Variants in PDE4B observed in about 807,000 individuals in gnomAD.
PDE4B encodes the protein phosphodiesterase 4B.
PDE4B carries 20 observed loss-of-function variants against 82.2 expected under a neutral mutation model. The observed-to-expected ratio is 0.24, with a 90% CI of 0.17 to 0.35. The LOEUF (loss-of-function observed/expected upper bound fraction) is 0.35, where lower values mean the gene tolerates loss of function less well. Among genes scored for constraint, PDE4B ranks in the 10% least tolerant of loss-of-function variants. The pLI is 1.00. For missense variants in PDE4B, 655 were observed against 907.2 expected (o/e 0.72, Z 3.57); for synonymous variants, 320 against 318.9 (o/e 1.00, Z -0.04).
chr1:65,948,705 A>G (rs1235008670), intron 3 of PDE4B, among the ~76,000 whole-genome samples: 1 of 152,068 alleles, frequency 6.6e-6, no homozygotes, highest in Non-Finnish European at 1.5e-5. Flanking sequence ...TAACTATCAC[A>G]GGCAATGATG....
chr1:65,911,770 T>C (rs1647094674), intron 1 of PDE4B, among the ~76,000 whole-genome samples: 1 of 152,166 alleles, frequency 6.6e-6, no homozygotes, highest in Non-Finnish European at 1.5e-5. Flanking sequence ...CCCATGGGGT[T>C]CTCTCCCTAG....
chr1:66,264,204 AT>A (rs1464842812), intron 6 of PDE4B, among the ~76,000 whole-genome samples: 1 of 152,216 alleles, frequency 6.6e-6, no homozygotes, highest in African/African-American at 2.4e-5. Context: ...GCAATGAGGA[AT>A]TATGAGAGAT....
At chr1:66,078,762 T>C (rs1377465640) in intron 3 of PDE4B, among the ~76,000 whole-genome samples, 7 of 152,302 alleles carry the variant, frequency 4.6e-5, no homozygotes, top group African/African-American at 1.7e-4. Flanking sequence ...TTTTCATTTT[T>C]TTCTGCATCA....
chr1:66,087,277 C>G (rs976096402), intron 3 of PDE4B, among the ~76,000 whole-genome samples: 1 of 152,178 alleles, frequency 6.6e-6, no homozygotes, highest in African/African-American at 2.4e-5. Flanking sequence ...ACAGTCCAGA[C>G]TAGTGGCAGG....
At chr1:66,344,364 T>A (rs1661233718) in intron 8 of PDE4B, among the ~76,000 whole-genome samples, 1 of 152,246 alleles carries the variant, frequency 6.6e-6, no homozygotes, top group South Asian at 2.1e-4. Context: ...TGTAAACATT[T>A]GCTAGTATTG....
At chr1:66,092,317 C>A (rs1002024877) in intron 3 of PDE4B, among the ~76,000 whole-genome samples, 1 of 151,958 alleles carries the variant, frequency 6.6e-6, no homozygotes, top group Non-Finnish European at 1.5e-5. Context: ...TTGATACAAG[C>A]AAGAGTTCAG....
chr1:66,364,259 A>G (rs1663052861), intron 12 of PDE4B, among the ~76,000 whole-genome samples: 2 of 152,194 alleles, frequency 1.3e-5, no homozygotes, highest in Non-Finnish European at 2.9e-5. Context: ...TCTCCTAAAA[A>G]ATTATAAAAC....
Position 66,289,127 on chromosome 1 carries a change from G to A in PDE4B, c.634+23040G>A, listed in dbSNP as rs148530869. 9.5e-4 allele frequency among the ~76,000 whole-genome samples: 144 copies of A among 152,148 alleles called. 1 individual carries two copies. The highest frequency in any genetic ancestry group is 3.9e-3 in the East Asian group (20 of 5,178). Reference sequence around the variant, plus strand: ...ATAAAAATAAAAATAAAATAGCCAGGGGCAGTGACACATGCCTGTGATCTC... The same window carrying A: ...ATAAAAATAAAAATAAAATAGCCAGAGGCAGTGACACATGCCTGTGATCTC... On this transcript the variant is annotated intron_variant, in intron 7 of 16. Coordinates refer to ENST00000341517, the MANE Select transcript of PDE4B (RefSeq NM_002600.4).
intron 1 of PDE4B, among the ~76,000 whole-genome samples, chr1:65,847,706 T>C (rs1235447436): frequency 1.3e-5 from 2 of 152,270 alleles, no homozygotes; most frequent in East Asian, 3.9e-4. Context: ...GTTGAACACA[T>C]AGAGAACTAA....
intron 2 of PDE4B, among the ~76,000 whole-genome samples, chr1:65,916,049 G>A (rs1647155661): frequency 6.6e-6 from 1 of 152,122 alleles, no homozygotes; most frequent in Non-Finnish European, 1.5e-5. Context: ...TAATTTTAGA[G>A]TAGTGGTGTA....
chr1:66,357,525 T>G (rs1662352247), intron 9 of PDE4B, among the ~76,000 whole-genome samples: 1 of 151,888 alleles, frequency 6.6e-6, no homozygotes, highest in Non-Finnish European at 1.5e-5. Context: ...TTTAGGCATA[T>G]CTCTTGAGCA....
chr1:66,088,769 C>G (rs1644952509), intron 3 of PDE4B, among the ~76,000 whole-genome samples: 1 of 152,096 alleles, frequency 6.6e-6, no homozygotes, highest in African/African-American at 2.4e-5. Context: ...TATCCCTCCT[C>G]TTCCCCCATC....
chr1:66,264,671 A>T (rs1175646347), intron 6 of PDE4B, among the ~76,000 whole-genome samples: 2 of 152,230 alleles, frequency 1.3e-5, no homozygotes. Flanking sequence ...GACTACGGCT[A>T]CTAGGTATGG....
intron 3 of PDE4B, among the ~76,000 whole-genome samples, chr1:66,189,994 A>G (rs974406674): frequency 6.6e-6 from 1 of 152,066 alleles, no homozygotes; most frequent in African/African-American, 2.4e-5. Flanking sequence ...GATGATGGTG[A>G]TGAAGAAATG....
intron 7 of PDE4B, among the ~76,000 whole-genome samples, chr1:66,271,009 A>G (rs1242118284): frequency 6.6e-6 from 1 of 152,238 alleles, no homozygotes; most frequent in Non-Finnish European, 1.5e-5. Context: ...TTGTTTTGTA[A>G]TAATTGCTTT....
chr1:65,868,522 A>G (rs1474434133), intron 1 of PDE4B, among the ~76,000 whole-genome samples: 1 of 152,196 alleles, frequency 6.6e-6, no homozygotes, highest in African/African-American at 2.4e-5. Flanking sequence ...GGGATTAGCC[A>G]TAGAGCATTC....
At chr1:66,051,661 T>C (rs1392286405) in intron 3 of PDE4B, among the ~76,000 whole-genome samples, 2 of 152,146 alleles carry the variant, frequency 1.3e-5, no homozygotes, top group Non-Finnish European at 2.9e-5. Context: ...AAAATGCTAC[T>C]TTTGACCTTC....
At chr1:66,347,753 T>C (rs184836020) in intron 8 of PDE4B, among the ~76,000 whole-genome samples, 43 of 152,326 alleles carry the variant, frequency 2.8e-4, no homozygotes, top group Non-Finnish European at 1.8e-4. Flanking sequence ...TTCTACATGG[T>C]ATTTTTAAGG....
intron 3 of PDE4B, among the ~76,000 whole-genome samples, chr1:66,231,192 C>T (rs1346878495): frequency 1.3e-5 from 2 of 152,074 alleles, no homozygotes; most frequent in Non-Finnish European, 2.9e-5. Context: ...TCATTAATAA[C>T]ATTGAGAAGC....
Sources: gnomAD v4.1 joint callset for allele counts (sites outside exome capture counted in the v4.1 genomes callset) on GRCh38, gnomAD v4.1.1 for gene constraint, MANE v1.5 for transcripts, NCBI Gene and HGNC (gene_info 2026-07-23, HGNC 2026-07-21) for gene names.